The following TMEM131 variants were observed in gnomAD, a reference collection of about 807,000 sequenced individuals.
TMEM131 encodes transmembrane protein 131.
TMEM131 carries 66 observed loss-of-function variants against 211.6 expected under a neutral mutation model. The ratio of observed to expected loss-of-function variants is 0.31; its 90% confidence interval spans 0.26 to 0.38. TMEM131 has a LOEUF of 0.38. Ranked by LOEUF, TMEM131 falls within the 10% of genes least tolerant of loss-of-function variation. TMEM131 has a pLI of 1.00. For missense variants in TMEM131, 2,036 were observed against 2,299.3 expected, an observed-to-expected ratio of 0.89 and a Z score of 2.34; for synonymous variants, 844 against 841.3, an observed-to-expected ratio of 1.00 and a Z score of -0.06.
chr2:97,840,267 G>A (rs1240494809), intron 7 of TMEM131, among the ~76,000 whole-genome samples: 1 of 152,234 alleles, frequency 6.6e-6, no homozygotes, highest in Non-Finnish European at 1.5e-5. Context: ...AAGAGAAAAG[G>A]TACAGACTGT....
At chr2:97,883,794 AT>A (rs1280326943) in intron 4 of TMEM131, among the ~76,000 whole-genome samples, 1 of 152,184 alleles carries the variant, frequency 6.6e-6, no homozygotes, top group Admixed American at 6.5e-5. Context: ...ATTCAATGGA[AT>A]TTTTTGAAGT....
chr2:97,851,402 T>C (rs2105142899), intron 5 of TMEM131, among the ~76,000 whole-genome samples: 1 of 152,304 alleles, frequency 6.6e-6, no homozygotes, highest in Non-Finnish European at 1.5e-5. Context: ...ACTCTTCTCT[T>C]TCTCTCAAAT....
intron 10 of TMEM131, among the ~76,000 whole-genome samples, chr2:97,834,078 A>AT (rs1466988559): frequency 7.9e-5 from 12 of 152,170 alleles, no homozygotes; most frequent in Non-Finnish European, 1.5e-4. Flanking sequence ...AGCAAATCTA[A>AT]TTTTTAAACA....
At chr2:97,869,004 C>T (rs1156308434) in intron 4 of TMEM131, among the ~76,000 whole-genome samples, 1 of 152,148 alleles carries the variant, frequency 6.6e-6, no homozygotes, top group East Asian at 1.9e-4. Flanking sequence ...AAGTCTTCTT[C>T]CTCAAGCTTC....
At chr2:97,775,797 A>G in intron 32 of TMEM131, 46 bp downstream of exon 32, 1 of 1,570,804 alleles carries the variant, frequency 6.4e-7, no homozygotes, top group Non-Finnish European at 8.6e-7. Context: ...GCTGCAGGAG[A>G]CCTCTCTTTC....
chr2:97,988,131 TAA>T (rs1330716233), intron 1 of TMEM131, among the ~76,000 whole-genome samples: 20 of 152,276 alleles, frequency 1.3e-4, no homozygotes, highest in African/African-American at 4.3e-4. Flanking sequence ...TTAAACAGAA[TAA>T]AGTGTCCAGA....
intron 1 of TMEM131, among the ~76,000 whole-genome samples, chr2:97,946,457 A>G (rs537059655): frequency 3.3e-5 from 5 of 152,152 alleles, no homozygotes; most frequent in Admixed American, 6.5e-5. Context: ...TTAGAAGACT[A>G]ATCAGCAAAT....
chr2:97,793,177 TCTAA>T, intron 30 of TMEM131, 193 bp from the exon 31 acceptor site: 1 of 641,066 alleles, frequency 1.6e-6, no homozygotes, highest in East Asian at 2.8e-5. Flanking sequence ...CCATCAGTGA[TCTAA>T]CTAAAAGTAT....
rs910877573 is a variant in TMEM131 at position 97,989,963 on chromosome 2, G to C, written c.187+5513C>G. On this transcript the variant is annotated intron_variant, in intron 1 of 40. Transcript: ENST00000186436. ...CCTTGGACCTCTAATGGAAGTCTGC[G>C]AGAGATTTCTGCCTGCCGAGGCAAA... Among the ~76,000 whole-genome samples, 3 of 152,200 alleles carry C rather than the reference G, an allele frequency of 2.0e-5. No individual in the cohort carries two copies. In the East Asian group the frequency reaches 5.8e-4, roughly 29 times the overall value.
chr2:97,897,402 C>T (rs1675658569), intron 3 of TMEM131, among the ~76,000 whole-genome samples: 1 of 152,030 alleles, frequency 6.6e-6, no homozygotes, highest in African/African-American at 2.4e-5. Context: ...ACCATGTTAA[C>T]TGTTACTTTT....
intron 39 of TMEM131, 35 bp downstream of exon 39, chr2:97,759,617 G>C (rs1236359546): frequency 3.3e-6 from 5 of 1,525,436 alleles, no homozygotes; most frequent in Non-Finnish European, 4.5e-6. Context: ...CTGTCCACAG[G>C]CTTATTAGTT....
chr2:97,826,036 C>T (rs1009963301), intron 11 of TMEM131, among the ~76,000 whole-genome samples: 3 of 152,228 alleles, frequency 2.0e-5, no homozygotes, highest in Non-Finnish European at 2.9e-5. Context: ...GGGAACCAAT[C>T]GAGCATGACT....
chr2:97,968,940 C>T (rs569350932), intron 1 of TMEM131, among the ~76,000 whole-genome samples: 2 of 151,490 alleles, frequency 1.3e-5, no homozygotes, highest in African/African-American at 4.9e-5. Context: ...AAAAAATTAG[C>T]TGGGCCTGGA....
intron 1 of TMEM131, among the ~76,000 whole-genome samples, chr2:97,993,520 C>T (rs1293268080): frequency 6.6e-6 from 1 of 152,304 alleles, no homozygotes; most frequent in African/African-American, 2.4e-5. Flanking sequence ...TTGATTAGAA[C>T]CAGATCTGTT....
chr2:97,916,292 T>C (rs1452670068), intron 2 of TMEM131, among the ~76,000 whole-genome samples: 2 of 152,286 alleles, frequency 1.3e-5, no homozygotes, highest in South Asian at 2.1e-4. Context: ...CAGGAAATAG[T>C]AGTAAAGGGA....
chr2:97,852,111 G>C (rs1673647272), intron 5 of TMEM131, among the ~76,000 whole-genome samples: 1 of 151,786 alleles, frequency 6.6e-6, no homozygotes, highest in Non-Finnish European at 1.5e-5. Context: ...TGCTGATAGG[G>C]ATAAAGCTTT....
chr2:97,779,434 A>G (rs1185380058), intron 31 of TMEM131, among the ~76,000 whole-genome samples: 1 of 152,212 alleles, frequency 6.6e-6, no homozygotes, highest in African/African-American at 2.4e-5. Context: ...TGAAGCAGTA[A>G]GCTGACTCTC....
chr2:97,891,902 GC>G (rs1675390388), intron 3 of TMEM131, among the ~76,000 whole-genome samples: 1 of 152,048 alleles, frequency 6.6e-6, no homozygotes, highest in South Asian at 2.1e-4. Flanking sequence ...ACATTTAGGA[GC>G]CACTATTTTG....
intron 3 of TMEM131, among the ~76,000 whole-genome samples, chr2:97,889,359 A>G (rs1675287457): frequency 6.6e-6 from 1 of 152,104 alleles, no homozygotes; most frequent in South Asian, 2.1e-4. Flanking sequence ...GTTGGCATCT[A>G]TTCCTTCCTG....
Sources: allele counts gnomAD v4.1 joint callset (sites outside exome capture counted in the v4.1 genomes callset), GRCh38; gene constraint gnomAD v4.1.1; transcripts MANE v1.5; gene names NCBI Gene and HGNC (gene_info 2026-07-23, HGNC 2026-07-21).